Variants in PAX7 observed in about 807,000 individuals in gnomAD.
PAX7 encodes paired box protein Pax-7.
PAX7 carries 18 observed loss-of-function variants against 50.7 expected under a neutral mutation model. The observed-to-expected ratio is 0.36, with a 90% confidence interval of 0.25 to 0.53. The LOEUF is 0.53. Among genes scored for constraint, PAX7 ranks in the 20% least tolerant of loss-of-function variants. The probability of loss-of-function intolerance (pLI) is 0.93; values close to 1 mark genes in which losing one functional copy is unlikely to be tolerated. For missense variants in PAX7, 644 were observed against 702.9 expected (o/e 0.92, Z 0.95); for synonymous variants, 310 against 290.4 (o/e 1.07, Z -0.69).
intron 4 of PAX7, among the ~76,000 whole-genome samples, chr1:18,669,640 A>G (rs1266075595): frequency 6.6e-6 from 1 of 152,180 alleles, no homozygotes; most frequent in Admixed American, 6.5e-5. Context: ...CAAAGTCCGT[A>G]CTGGGGGAAG....
At chr1:18,655,068 C>T (rs536536288) in intron 4 of PAX7, among the ~76,000 whole-genome samples, 12 of 152,214 alleles carry the variant, frequency 7.9e-5, no homozygotes, top group Non-Finnish European at 1.6e-4. Flanking sequence ...TCATTGTTAT[C>T]ATTTAATTTT....
intron 4 of PAX7, among the ~76,000 whole-genome samples, chr1:18,642,205 G>A (rs1364969875): frequency 7.3e-6 from 1 of 136,606 alleles, no homozygotes; most frequent in African/African-American, 2.6e-5. Flanking sequence ...TTTCATTCCA[G>A]GTTACCTCTT....
intron 4 of PAX7, among the ~76,000 whole-genome samples, chr1:18,639,105 C>T (rs1311754078): frequency 6.6e-6 from 1 of 152,166 alleles, no homozygotes; most frequent in Non-Finnish European, 1.5e-5. Context: ...TCCCTGAGTC[C>T]GTTTTTTCCT....
intron 6 of PAX7, among the ~76,000 whole-genome samples, chr1:18,702,294 G>C (rs1050724515): frequency 6.6e-6 from 1 of 152,012 alleles, no homozygotes; most frequent in Non-Finnish European, 1.5e-5. Context: ...AGCCCAGATC[G>C]CGCCACTGCA....
chr1:18,716,205 G>T (rs2089417955), intron 7 of PAX7, among the ~76,000 whole-genome samples: 1 of 152,240 alleles, frequency 6.6e-6, no homozygotes, highest in Non-Finnish European at 1.5e-5. Flanking sequence ...GAACATCAGA[G>T]ACCTGGGTCG....
chr1:18,660,937 T>C (rs2088591667), intron 4 of PAX7, among the ~76,000 whole-genome samples: 1 of 152,174 alleles, frequency 6.6e-6, no homozygotes, highest in Non-Finnish European at 1.5e-5. Context: ...AAAAGCTACT[T>C]TGCTCGTTAG....
chr1:18,646,360 A>T (rs1451991433), intron 4 of PAX7, among the ~76,000 whole-genome samples: 1 of 151,912 alleles, frequency 6.6e-6, no homozygotes, highest in African/African-American at 2.4e-5. Flanking sequence ...ACAGGCAATT[A>T]CTGCTGTAAA....
At chr1:18,716,518 T>TTCA in intron 7 of PAX7, among the ~76,000 whole-genome samples, 1 of 151,356 alleles carries the variant, frequency 6.6e-6, no homozygotes, top group African/African-American at 2.4e-5. Context: ...TTTGTTTTTT[T>TTCA]CACACACTCT....
intron 4 of PAX7, among the ~76,000 whole-genome samples, chr1:18,678,137 C>G (rs183662488): frequency 6.6e-6 from 1 of 151,330 alleles, no homozygotes; most frequent in East Asian, 1.9e-4. Context: ...TTTAGCCGGG[C>G]GCAGTGGCTC....
At chr1:18,724,772 G>A (rs1437007463) in intron 7 of PAX7, among the ~76,000 whole-genome samples, 3 of 152,210 alleles carry the variant, frequency 2.0e-5, no homozygotes, top group African/African-American at 7.2e-5. Context: ...AAATGGAACA[G>A]GCATTTTTCA....
At chr1:18,650,568 C>G (rs1387026356) in intron 4 of PAX7, among the ~76,000 whole-genome samples, 1 of 152,226 alleles carries the variant, frequency 6.6e-6, no homozygotes. Flanking sequence ...ACATACACAC[C>G]TGGGTACTTT....
At chr1:18,739,816 T>G (rs1931025500) in intron 8 of PAX7, among the ~76,000 whole-genome samples, 1 of 151,898 alleles carries the variant, frequency 6.6e-6, no homozygotes, top group Admixed American at 6.5e-5. Flanking sequence ...TCTAGGGGAG[T>G]GGGGGCAGGG....
At chr1:18,740,786 G>GT (rs1327018297) in intron 8 of PAX7, among the ~76,000 whole-genome samples, 22 of 152,290 alleles carry the variant, frequency 1.4e-4, no homozygotes, top group African/African-American at 5.3e-4. Flanking sequence ...AACATATAGT[G>GT]TATCTACCCA....
At chr1:18,724,904 G>C (rs1008751960) in intron 7 of PAX7, among the ~76,000 whole-genome samples, 5 of 152,214 alleles carry the variant, frequency 3.3e-5, no homozygotes, top group Non-Finnish European at 4.4e-5. Flanking sequence ...GCAAGGCACT[G>C]ACGAAGGCAA....
intron 7 of PAX7, among the ~76,000 whole-genome samples, chr1:18,708,372 T>C (rs904123969): frequency 4.6e-5 from 7 of 151,740 alleles, no homozygotes; most frequent in East Asian, 3.9e-4. Context: ...CTGAGCAACA[T>C]AGCAAAACCC....
intron 7 of PAX7, among the ~76,000 whole-genome samples, chr1:18,725,979 A>AGAGT (rs1553142950): frequency 0.015 from 2,152 of 145,630 alleles, 52 homozygotes; most frequent in African/African-American, 0.053. Flanking sequence ...ACATTGGAAG[A>AGAGT]GTGTGTGTGT....
intron 4 of PAX7, among the ~76,000 whole-genome samples, chr1:18,643,141 C>T (rs1054582521): frequency 1.3e-5 from 2 of 152,144 alleles, no homozygotes; most frequent in African/African-American, 4.8e-5. Context: ...CGAGGGCATT[C>T]TAGGGCGCCT....
At chr1:18,724,619 C>T (rs2089534941) in intron 7 of PAX7, among the ~76,000 whole-genome samples, 1 of 152,138 alleles carries the variant, frequency 6.6e-6, no homozygotes, top group Non-Finnish European at 1.5e-5. Flanking sequence ...GCTGGCCCTG[C>T]AGCAAGGCCC....
chr1:18,656,825 T>C (rs1229840745), intron 4 of PAX7, among the ~76,000 whole-genome samples: 1 of 151,326 alleles, frequency 6.6e-6, no homozygotes, highest in Non-Finnish European at 1.5e-5. Context: ...ACCCTCTCTC[T>C]ACCAAAAAAT....
Sources: allele counts gnomAD v4.1 joint callset (sites outside exome capture counted in the v4.1 genomes callset), GRCh38; gene constraint gnomAD v4.1.1; transcripts MANE v1.5; gene names NCBI Gene and HGNC (gene_info 2026-07-23, HGNC 2026-07-21).